URB1: variants seen among roughly 807,000 people sequenced by gnomAD.
URB1 encodes the protein URB1 ribosome biogenesis factor, also known as nucleolar pre-ribosomal-associated protein 1.
In URB1, 197 loss-of-function variants were observed where a neutral mutation model predicts 242.3. That is an observed-to-expected ratio of 0.81 (90% confidence interval 0.72 to 0.91). URB1 has a LOEUF of 0.91. Among genes scored for constraint, URB1 ranks in the 40% least tolerant of loss-of-function variants. The pLI is 0.00. For synonymous variants in URB1, 1,153 were observed against 1,201.8 expected (o/e 0.96, Z 0.84); for missense variants, 2,721 against 2,860.5 (o/e 0.95, Z 1.11).
chr21:32,378,411 T>C (rs1203486791), intron 5 of URB1, 34 bp downstream of exon 5: 19 of 1,535,628 alleles, frequency 1.2e-5, no homozygotes, highest in African/African-American at 4.1e-5. Context: ...TCAAAACAAA[T>C]GGGCTTTCCT....
Position 32,346,967 on chromosome 21 carries a change from C to T in URB1, c.3857G>A (p.Arg1286His), listed in dbSNP as rs1260619159. ...LQCRTRSHFT[R>H]PAGVSSAVIP... ...AGCCTTTCCCTTACCTCCTGCTGGG[C>T]GTGTGAAGTGGCTCCGTGTCCTGCA... The change falls in exon 22 of 39, where the codon CGC (arginine) becomes CAC (histidine). Residue 1286 changes from arginine (R) to histidine (H), a missense_variant. Coordinates refer to ENST00000382751, the MANE Select transcript of URB1 (RefSeq NM_014825.3). 12 of 1,512,008 alleles carry T rather than the reference C, an allele frequency of 7.9e-6. No individual in the cohort carries two copies. Among genetic ancestry groups the T allele is most frequent in the Admixed American group, 2.1e-5 (1 of 48,702 alleles). 93.7% of individuals were successfully genotyped at this position (1,512,008 alleles called of 1,614,324 possible). A position where few individuals can be genotyped will look rare whatever the true frequency, so the allele number is the denominator to read the frequency against.
chr21:32,345,260 A>C, intron 23 of URB1, 114 bp downstream of exon 23: 1 of 1,182,180 alleles, frequency 8.5e-7, no homozygotes, highest in Non-Finnish European at 1.2e-6. Flanking sequence ...GAACTGCCTG[A>C]TCACAGATGG....
intron 25 of URB1, among the ~76,000 whole-genome samples, chr21:32,339,115 C>A (rs1280399658): frequency 6.6e-6 from 1 of 152,184 alleles, no homozygotes; most frequent in Non-Finnish European, 1.5e-5. Flanking sequence ...CTGCCTCAGC[C>A]TCCAGAGTAA....
chr21:32,358,834 G>A (rs773025617), intron 14 of URB1, among the ~76,000 whole-genome samples: 22 of 152,232 alleles, frequency 1.4e-4, no homozygotes, highest in Admixed American at 2.0e-4. Flanking sequence ...AGGCAGCACC[G>A]CCTGGGTCCC....
At chr21:32,365,769 C>T (rs1402899029) in intron 10 of URB1, among the ~76,000 whole-genome samples, 1 of 152,180 alleles carries the variant, frequency 6.6e-6, no homozygotes, top group Non-Finnish European at 1.5e-5. Context: ...CTCAGGAGTC[C>T]ACCCCACTTT....
Position 32,337,154 on chromosome 21 carries a change from T to C in URB1, c.4625A>G (p.Gln1542Arg), listed in dbSNP as rs2032968922. The C allele has an allele frequency of 6.4e-7, 1 of 1,551,684 alleles. No individual in the cohort carries two copies. The highest frequency in any genetic ancestry group is 8.7e-7 in the Non-Finnish European group (1 of 1,147,028). ...AYGATLSVLD[Q>R]KILLLLRAYE... ...CGCTCGAAGCAGAAGTAAAATCTTC[T>C]GATCTACAAGTCAAAGCAGGATCGG... Residue 1542 changes from glutamine to arginine, a missense_variant, in exon 28 of 39, where the codon CAG becomes CGG. By Grantham distance (43) the Gln-to-Arg change is conservative. Coordinates refer to ENST00000382751, the MANE Select transcript of URB1 (RefSeq NM_014825.3).
intron 3 of URB1, 142 bp from the exon 4 acceptor site, chr21:32,383,696 T>A (rs2033551632): frequency 9.7e-7 from 1 of 1,030,646 alleles, no homozygotes. Flanking sequence ...CATGCTCTTT[T>A]TTTAAGGAAA....
At chr21:32,321,968 CTGT>C (rs1003460414) in intron 33 of URB1, 24 bp from the exon 34 acceptor site, 4 of 1,548,322 alleles carry the variant, frequency 2.6e-6, no homozygotes, top group African/African-American at 2.7e-5. Context: ...ACACAAAAAA[CTGT>C]TGTTAATAAG....
At position 32,314,999 on chromosome 21, in the gene URB1, G is replaced by A. The variant is rs1021792580; in HGVS notation, c.6735C>T (p.Ala2245=). Residue 2245 remains alanine (A), a synonymous_variant, in exon 39 of 39, where the codon GCC becomes GCT. Coordinates refer to ENST00000382751, the MANE Select transcript of URB1 (RefSeq NM_014825.3). ...LLTHVRMVCE[A]ADDAPSSEEE... ...CTTCACTGCTCGGGGCATCATCTGC[G>A]GCCTCACACACCATCCGGACGTGGG... 9.7e-6 allele frequency: 15 copies of A among 1,551,638 alleles called. No individual in the cohort carries two copies. The highest frequency in any genetic ancestry group is 2.4e-5 in the East Asian group (1 of 40,918).
At chr21:32,357,316 A>G (rs1176121639) in intron 15 of URB1, among the ~76,000 whole-genome samples, 1 of 130,720 alleles carries the variant, frequency 7.6e-6, no homozygotes, top group Non-Finnish European at 1.8e-5. Flanking sequence ...GACCTACCTA[A>G]AAAAAAAAAA....
intron 6 of URB1, 128 bp from the exon 7 acceptor site, chr21:32,373,900 A>G (rs1456393457): frequency 9.7e-7 from 1 of 1,028,050 alleles, no homozygotes; most frequent in Non-Finnish European, 1.3e-6. Flanking sequence ...GTGGCAGAAA[A>G]TTTGGTTTAA....
intron 4 of URB1, 119 bp downstream of exon 4, chr21:32,383,302 AC>A (rs1255448781): frequency 7.8e-7 from 1 of 1,284,494 alleles, no homozygotes; most frequent in Admixed American, 2.9e-5. Context: ...ACACCTTTCT[AC>A]ATAGACACCT....
chr21:32,343,390 G>C (rs541101513), intron 24 of URB1, among the ~76,000 whole-genome samples: 7 of 152,276 alleles, frequency 4.6e-5, no homozygotes, highest in Admixed American at 2.6e-4. Flanking sequence ...AAGCATCACT[G>C]AACTTAAAGA....
rs1275526785 is a variant in URB1, at chr21:32,383,431, C to A, written c.558G>T (p.Arg186Ser). The change falls in exon 4 of 39, where the codon AGG becomes AGT. Residue 186 changes from arginine (R) to serine (S), a missense_variant. Arg to Ser is a moderately radical substitution (Grantham distance 110). Coordinates refer to ENST00000382751, the MANE Select transcript of URB1 (RefSeq NM_014825.3). ...ACTGTGGTCCCCTCACCTTTGAATC[C>A]CTCTTGGTCACCAGGGTGTACAGGG... ...KKTLYTLVTK[R>S]DSKGVYDVRQ... 21 of 1,551,216 alleles carry A rather than the reference C, an allele frequency of 1.4e-5. No individual in the cohort carries two copies. The highest frequency in any genetic ancestry group is 1.8e-5 in the Non-Finnish European group (21 of 1,146,814).
intron 2 of URB1, 63 bp from the exon 3 acceptor site, chr21:32,384,527 G>T: frequency 6.6e-7 from 1 of 1,512,334 alleles, no homozygotes. Context: ...GTACATATAT[G>T]CTCCTTTTGT....
intron 4 of URB1, among the ~76,000 whole-genome samples, chr21:32,379,771 C>CT (rs1263711515): frequency 2.0e-5 from 3 of 152,256 alleles, no homozygotes; most frequent in African/African-American, 7.2e-5. Context: ...GGGTGGATCA[C>CT]TTGAGGTTAG....
At position 32,317,689 on chromosome 21, in the gene URB1, G is replaced by T; in HGVS notation, c.6021C>A (p.Ala2007=). Residue 2007 remains alanine (A), a synonymous_variant, in exon 37 of 39, where the codon GCC becomes GCA. Coordinates refer to ENST00000382751, the MANE Select transcript of URB1 (RefSeq NM_014825.3). ...DLRAAIEKAQ[A]RELMKMLKDK... is the part of the protein sequence containing the mutation. Reference sequence around the variant, plus strand: ...TCTGACACTCACTCATGAGCTCCCGGGCTTGGGCCTTCTCAATGGCTGCTC... The same window carrying T: ...TCTGACACTCACTCATGAGCTCCCGTGCTTGGGCCTTCTCAATGGCTGCTC... 6.4e-7 allele frequency: 1 copy of T among 1,551,730 alleles called. No homozygotes were observed. The highest frequency in any genetic ancestry group is 8.7e-7 in the Non-Finnish European group (1 of 1,146,992).
chr21:32,314,768 C>G lies in URB1; in HGVS notation c.*150G>C. ...ACTGGGCAGTTCAATAAAGTCCTCT[C>G]AACTTTTCTTGTCAAAGAACTGAGC... On this transcript the variant is annotated 3_prime_UTR_variant, in exon 39 of 39. Coordinates refer to ENST00000382751, the MANE Select transcript of URB1 (RefSeq NM_014825.3). The G allele has an allele frequency of 6.9e-7, 1 of 1,440,884 alleles. No homozygotes were observed. Among genetic ancestry groups the G allele is most frequent in the Non-Finnish European group, 9.5e-7 (1 of 1,050,184 alleles). The allele number at this position is 1,440,884 out of a possible 1,614,324, so 89.3% of individuals were successfully genotyped here.
intron 10 of URB1, among the ~76,000 whole-genome samples, chr21:32,364,088 C>T (rs2033319379): frequency 6.6e-6 from 1 of 152,090 alleles, no homozygotes; most frequent in Non-Finnish European, 1.5e-5. Context: ...GAAAATCCAC[C>T]TCCAAGCTCA....
Sources: gnomAD v4.1 joint callset for allele counts (sites outside exome capture counted in the v4.1 genomes callset) on GRCh38, gnomAD v4.1.1 for gene constraint, MANE v1.5 for transcripts, NCBI Gene and HGNC (gene_info 2026-07-23, HGNC 2026-07-21) for gene names.